AHCYL2: variants seen among roughly 807,000 people sequenced by gnomAD.
AHCYL2 encodes the protein S-adenosylhomocysteine hydrolase-like protein 2.
Under a neutral mutation model 81.4 loss-of-function variants are expected in AHCYL2, and 28 were observed. The ratio of observed to expected loss-of-function variants is 0.34; its 90% CI spans 0.25 to 0.47. The LOEUF (loss-of-function observed/expected upper bound fraction) is 0.47. AHCYL2 is among the 20% of genes least tolerant of loss of function. The pLI is 1.00. For missense variants in AHCYL2, 551 were observed against 785.1 expected (o/e 0.70, Z 3.56); for synonymous variants, 272 against 290.2 (o/e 0.94, Z 0.64).
chr7:129,405,594 C>T (rs946192609), intron 8 of AHCYL2: 3 of 432,118 alleles, frequency 6.9e-6, no homozygotes, highest in African/African-American at 6.1e-5. Flanking sequence ...TTTAACCTTC[C>T]TGTCTGGTCA....
rs193295195 is a variant in AHCYL2, at chr7:129,398,982, G to A, written c.824-1308G>A. Among the ~76,000 whole-genome samples the A allele has an allele frequency of 1.2e-3, 179 of 150,952 alleles. 3 individuals are homozygous for A. The highest frequency in any genetic ancestry group is 0.01 in the Admixed American group (155 of 15,142). On this transcript the variant is annotated intron_variant, in intron 5 of 16. Transcript: ENST00000325006. ...CATGGTGAAACCCTGTCTTTACTAA[G>A]AGTACAAAAATTAGCTGAGTGTGGT...
At chr7:129,415,259 G>A (rs1177351768) in intron 12 of AHCYL2, among the ~76,000 whole-genome samples, 1 of 152,192 alleles carries the variant, frequency 6.6e-6, no homozygotes, top group Non-Finnish European at 1.5e-5. Flanking sequence ...CCCCAAAGGG[G>A]AAAGGCCTAA....
At chr7:129,279,936 C>T (rs1219104337) in intron 1 of AHCYL2, among the ~76,000 whole-genome samples, 1 of 152,108 alleles carries the variant, frequency 6.6e-6, no homozygotes, top group Non-Finnish European at 1.5e-5. Flanking sequence ...TTACCGCATC[C>T]TGTTTTATCA....
chr7:129,326,224 C>T (rs1451045920), intron 1 of AHCYL2, among the ~76,000 whole-genome samples: 2 of 151,274 alleles, frequency 1.3e-5, no homozygotes, highest in Non-Finnish European at 2.9e-5. Flanking sequence ...TTTTGTATCA[C>T]ATAAAAAACA....
At chr7:129,409,957 A>T (rs1796488537) in intron 11 of AHCYL2, among the ~76,000 whole-genome samples, 1 of 150,860 alleles carries the variant, frequency 6.6e-6, no homozygotes, top group Admixed American at 6.6e-5. Context: ...TCCAGCTTAG[A>T]GTGCAAGTGA....
At chr7:129,260,953 T>G (rs1795612131) in intron 1 of AHCYL2, among the ~76,000 whole-genome samples, 1 of 152,124 alleles carries the variant, frequency 6.6e-6, no homozygotes, top group Non-Finnish European at 1.5e-5. Flanking sequence ...CACCCTCGGC[T>G]AATTTTTTGT....
chr7:129,390,880 T>C (rs995473979), intron 4 of AHCYL2, among the ~76,000 whole-genome samples: 1 of 152,204 alleles, frequency 6.6e-6, no homozygotes, highest in Non-Finnish European at 1.5e-5. Context: ...TCAGTTTTAA[T>C]GTCCCCTTTT....
chr7:129,389,009 A>G (rs1167008437), intron 2 of AHCYL2, 47 bp from the exon 3 acceptor site: 1 of 1,582,938 alleles, frequency 6.3e-7, no homozygotes, highest in South Asian at 1.1e-5. Context: ...GGAATTTTAG[A>G]GGAAGCATTT....
chr7:129,241,008 A>AT (rs1287260553), intron 1 of AHCYL2, among the ~76,000 whole-genome samples: 1 of 152,166 alleles, frequency 6.6e-6, no homozygotes, highest in African/African-American at 2.4e-5. Flanking sequence ...AGCTACATTA[A>AT]TGTGGGCAGG....
chr7:129,263,642 C>A (rs1795718816), intron 1 of AHCYL2, among the ~76,000 whole-genome samples: 1 of 152,168 alleles, frequency 6.6e-6, no homozygotes, highest in Non-Finnish European at 1.5e-5. Flanking sequence ...CTCCCTGAGG[C>A]TGTCCTGGTT....
rs576897493 is a variant in AHCYL2, at chr7:129,356,046, C to T, written c.364-23592C>T. Among the ~76,000 whole-genome samples, 11 of 152,260 alleles carry T rather than the reference C, an allele frequency of 7.2e-5. No individual in the cohort carries two copies. The East Asian group carries it at 2.1e-3, about 29-fold the overall frequency. ...ATGTGTTATGTTGAAAATGGCTACT[C>T]ACATATATATTATAGGAACTTTTCT... On this transcript the variant is annotated intron_variant, in intron 1 of 16. Transcript: ENST00000325006.
At chr7:129,317,332 T>C (rs749164782) in intron 1 of AHCYL2, among the ~76,000 whole-genome samples, 3 of 152,206 alleles carry the variant, frequency 2.0e-5, no homozygotes, top group African/African-American at 7.2e-5. Flanking sequence ...AATTATCTTA[T>C]GCTCCCTGTG....
intron 1 of AHCYL2, among the ~76,000 whole-genome samples, chr7:129,260,076 CA>C (rs35687709): frequency 0.057 from 3,830 of 67,612 alleles, 54 homozygotes; most frequent in Admixed American, 0.12. Context: ...AACTCCATCT[CA>C]AAAAAAAAAA....
At chr7:129,310,378 A>G (rs1479729439) in intron 1 of AHCYL2, among the ~76,000 whole-genome samples, 1 of 152,134 alleles carries the variant, frequency 6.6e-6, no homozygotes, top group African/African-American at 2.4e-5. Context: ...TTTCAGTGGA[A>G]TCACCAGGGA....
intron 13 of AHCYL2, 105 bp from the exon 14 acceptor site, chr7:129,424,769 A>G: frequency 8.7e-7 from 1 of 1,153,994 alleles, no homozygotes; most frequent in Non-Finnish European, 1.3e-6. Flanking sequence ...CAGCAGTGTT[A>G]GTCAGGAAGT....
chr7:129,333,430 C>A (rs937983783), intron 1 of AHCYL2, among the ~76,000 whole-genome samples: 4 of 151,808 alleles, frequency 2.6e-5, no homozygotes, highest in Non-Finnish European at 5.9e-5. Context: ...TTTACACTCA[C>A]AATTGAAAGG....
rs77061029 is a variant in AHCYL2 at position 129,337,178 on chromosome 7, C to T, written c.364-42460C>T. 3.4e-3 allele frequency among the ~76,000 whole-genome samples: 515 copies of T among 152,220 alleles called. 1 individual carries two copies. Among genetic ancestry groups the T allele is most frequent in the African/African-American group, 0.012 (498 of 41,522 alleles). Reference sequence around the variant, plus strand: ...TCTTCTCCCCTACTTGCCCAGTTTTCCCCTAAGGCTATCACTATTACTATT... The same window carrying T: ...TCTTCTCCCCTACTTGCCCAGTTTTTCCCTAAGGCTATCACTATTACTATT... On this transcript the variant is annotated intron_variant, in intron 1 of 16. Transcript: ENST00000325006.
At chr7:129,246,585 T>A (rs1795066753) in intron 1 of AHCYL2, among the ~76,000 whole-genome samples, 1 of 152,156 alleles carries the variant, frequency 6.6e-6, no homozygotes, top group African/African-American at 2.4e-5. Context: ...GTGGTCTTGA[T>A]CTCCTACGCT....
At chr7:129,385,320 G>A (rs915275271) in intron 2 of AHCYL2, among the ~76,000 whole-genome samples, 3 of 152,194 alleles carry the variant, frequency 2.0e-5, no homozygotes, top group Non-Finnish European at 4.4e-5. Context: ...TTAGGCCCAA[G>A]AGGAATTGCC....
Sources: gnomAD v4.1 joint callset for allele counts (sites outside exome capture counted in the v4.1 genomes callset) on GRCh38, gnomAD v4.1.1 for gene constraint, MANE v1.5 for transcripts, NCBI Gene and HGNC (gene_info 2026-07-23, HGNC 2026-07-21) for gene names.